The following APLP1 variants were observed in gnomAD, a reference collection of about 807,000 sequenced individuals.
APLP1 encodes the protein amyloid beta precursor like protein 1, also known as amyloid beta (A4) precursor-like protein 1.
APLP1 carries 46 observed loss-of-function variants against 84.5 expected under a neutral mutation model. The observed-to-expected ratio is 0.54, with a 90% confidence interval of 0.43 to 0.70. The LOEUF (loss-of-function observed/expected upper bound fraction) is 0.70. Among genes scored for constraint, APLP1 ranks in the 30% least tolerant of loss-of-function variants. The probability of loss-of-function intolerance (pLI) is 0.00; values close to 1 mark genes in which losing one functional copy is unlikely to be tolerated. For synonymous variants in APLP1, 376 were observed against 364.0 expected (o/e 1.03, Z -0.38); for missense variants, 826 against 900.2 (o/e 0.92, Z 1.05).
In APLP1 at chr19:35,879,721, A is replaced by G; in HGVS notation, c.*280A>G. On this transcript the variant is annotated 3_prime_UTR_variant, in exon 17 of 17. Coordinates refer to ENST00000221891, the MANE Select transcript of APLP1 (RefSeq NM_001024807.3). ...TTAAGGTGACCGCCACCTTGGTCCT[A>G]GTGTCTATTCCCTGGAATTCACCCT... The G allele has an allele frequency of 2.3e-6, 1 of 439,844 alleles. No individual in the cohort carries two copies. 27.2% of individuals were successfully genotyped at this position (439,844 alleles called of 1,614,324 possible).
At chr19:35,875,143 G>A (rs546489472) in intron 10 of APLP1, among the ~76,000 whole-genome samples, 2 of 147,504 alleles carry the variant, frequency 1.4e-5, no homozygotes, top group Admixed American at 1.4e-4. Flanking sequence ...GATTTTCACT[G>A]CCTTTCCCAG....
intron 4 of APLP1, 86 bp from the exon 5 acceptor site, chr19:35,871,526 C>T: frequency 1.3e-6 from 2 of 1,544,286 alleles, no homozygotes; most frequent in South Asian, 2.3e-5. Context: ...CTCCCAGCCT[C>T]ATCAACCCCC....
In APLP1 at chr19:35,879,446, GC is replaced by G. The variant is rs1470607517; in HGVS notation, c.*10del. 1 of 1,612,292 alleles carries G rather than the reference GC, an allele frequency of 6.2e-7. No homozygotes were observed. Among genetic ancestry groups the G allele is most frequent in the Non-Finnish European group, 8.5e-7 (1 of 1,179,746 alleles). ...TTCCTGGAGGAACGACCCTGACCCG[GC>G]CCCCTTCACCCCTTCAGCCGAGCCC... On this transcript the variant is annotated 3_prime_UTR_variant, in exon 17 of 17. Transcript: ENST00000221891.
Position 35,878,095 on chromosome 19 carries a change from G to A in APLP1, c.1566G>A (p.Met522Ile), listed in dbSNP as rs1227631269. 6.2e-7 allele frequency: 1 copy of A among 1,612,956 alleles called. No individual in the cohort carries two copies. The highest frequency in any genetic ancestry group is 8.5e-7 in the Non-Finnish European group (1 of 1,179,578). The change falls in exon 13 of 17, where the codon ATG becomes ATA. Residue 522 changes from methionine (M) to isoleucine (I), a missense_variant. This residue lies in a region of APLP1 where 433 missense variants were observed against 496.5 expected (regional missense o/e 0.87). Coordinates refer to ENST00000221891, the MANE Select transcript of APLP1 (RefSeq NM_001024807.3). ...PPDSKDADTP[M>I]TLPKGSTEQD... is the part of the protein sequence containing the mutation. ...TCTGGCTGCCAGCAGACACCCCCAT[G>A]ACCCTTCCAAAAGGTGAGTGTCTCA...
Position 35,868,666 on chromosome 19 carries a change from T to C in APLP1, c.30T>C (p.Gly10=). 7.1e-7 allele frequency: 1 copy of C among 1,400,208 alleles called. No homozygotes were observed. The highest frequency in any genetic ancestry group is 9.3e-7 in the Non-Finnish European group (1 of 1,080,788). The allele number at this position is 1,400,208 out of a possible 1,614,324, so 86.7% of individuals were successfully genotyped here. A position where few individuals can be genotyped will look rare whatever the true frequency, so the allele number is the denominator to read the frequency against. ...GGCCCGCCAGCCCCGCTGCTCGCGG[T>C]CTAAGTCGCCGCCCGGGCCAGCCGC... is the stretch of plus-strand genomic sequence containing the variant. MGPASPAAR[G]LSRRPGQPPL... is the part of the protein sequence containing the mutation. The change falls in exon 1 of 17, where the codon GGT becomes GGC. Residue 10 remains glycine, a synonymous_variant. Coordinates refer to ENST00000221891, the MANE Select transcript of APLP1 (RefSeq NM_001024807.3). The surrounding 1 kb of genome is among the most constrained non-coding windows in gnomAD (Gnocchi z 5.2).
At chr19:35,876,728 C>A in intron 11 of APLP1, 112 bp downstream of exon 11, 1 of 820,396 alleles carries the variant, frequency 1.2e-6, no homozygotes, top group Non-Finnish European at 1.9e-6. Context: ...CAGCCCAGAC[C>A]TTAGCAGTGA....
chr19:35,876,646 C>T, intron 11 of APLP1, 30 bp downstream of exon 11: 1 of 1,556,526 alleles, frequency 6.4e-7, no homozygotes, highest in South Asian at 1.2e-5. Context: ...GCTCCCATTA[C>T]AGATCTCTGA....
chr19:35,873,707 G>C lies in APLP1; in HGVS notation c.1050G>C (p.Leu350=). The C allele has an allele frequency of 1.2e-6, 2 of 1,613,976 alleles. No individual in the cohort carries two copies. The highest frequency in any genetic ancestry group is 1.7e-6 in the Non-Finnish European group (2 of 1,179,942). Residue 350 remains leucine (L), a synonymous_variant, in exon 8 of 17, where the codon CTG becomes CTC. Transcript: ENST00000221891. ...KNLPKADRQA[L]NEHFQSILQT... ...TGCCTAAAGCCGACAGACAGGCCCT[G>C]AATGAGGTAGGACAGCCCCAGTGGG...
intron 8 of APLP1, among the ~76,000 whole-genome samples, chr19:35,873,994 A>T (rs1297570159): frequency 6.6e-6 from 1 of 152,214 alleles, no homozygotes; most frequent in African/African-American, 2.4e-5. Context: ...GCCTCTGCAG[A>T]TGCAGCCAGG....
Position 35,872,531 on chromosome 19 carries a change from T to C in APLP1, c.899T>C (p.Met300Thr), listed in dbSNP as rs763891529. The C allele has an allele frequency of 8.1e-6, 13 of 1,613,720 alleles. No homozygotes were observed. In the East Asian group the frequency reaches 2.5e-4, roughly 30 times the overall value. Residue 300 changes from methionine to threonine, a missense_variant, in exon 7 of 17, where the codon ATG (methionine) becomes ACG (threonine). By Grantham distance (81) the Met-to-Thr change is moderately conservative (BLOSUM62 -1). Transcript: ENST00000221891. ...PTDGVDIYFGMPGEISEHEGF... is the reference protein window; with the variant it reads ...PTDGVDIYFGTPGEISEHEGF... ...GACGGTGTGGATATTTACTTTGGCA[T>C]GCCTGGGGAAATCAGTGAGCACGAG...
At position 35,871,689 on chromosome 19, in the gene APLP1, G is replaced by A. The variant is rs745629597; in HGVS notation, c.615G>A (p.Val205=). 13 of 1,613,948 alleles carry A rather than the reference G, an allele frequency of 8.1e-6. No individual in the cohort carries two copies. The East Asian group carries it at 1.6e-4, about 19-fold the overall frequency. Residue 205 remains valine, a synonymous_variant, in exon 5 of 17, where the codon GTG becomes GTA. Coordinates refer to ENST00000221891, the MANE Select transcript of APLP1 (RefSeq NM_001024807.3). The stretch of plus-strand genomic sequence containing the variant: ...GTGGCTCGGATCGGTTCCGTGGTGT[G>A]GAGTATGTGTGCTGTCCCCCTCCAG... ...LPCGSDRFRG[V]EYVCCPPPGT...
At chr19:35,875,929 A>G (rs1467919246) in intron 10 of APLP1, among the ~76,000 whole-genome samples, 1 of 141,734 alleles carries the variant, frequency 7.1e-6, no homozygotes, top group Non-Finnish European at 1.5e-5. Context: ...AGAAACCCCA[A>G]TAACTTGCAC....
chr19:35,869,456 G>C, intron 1 of APLP1: 2 of 702,432 alleles, frequency 2.8e-6, no homozygotes, highest in East Asian at 2.8e-5. Context: ...AAAGAATCCC[G>C]GGGGACCCAG....
chr19:35,876,655 G>A, intron 11 of APLP1, 39 bp downstream of exon 11: 1 of 1,519,910 alleles, frequency 6.6e-7, no homozygotes, highest in Non-Finnish European at 9.0e-7. Flanking sequence ...ACAGATCTCT[G>A]AGGGCAGATC....
rs369442773 is a variant in APLP1, at chr19:35,871,880, C to G, written c.694C>G (p.Pro232Ala). The G allele has an allele frequency of 1.4e-5, 23 of 1,613,836 alleles. No individual in the cohort carries two copies. The highest frequency in any genetic ancestry group is 1.7e-5 in the Non-Finnish European group (20 of 1,179,918). The change falls in exon 6 of 17, where the codon CCC becomes GCC. Residue 232 changes from proline to alanine, a missense_variant. By Grantham distance (27) the Pro-to-Ala change is conservative. Around this residue, in one of 3 missense-constraint regions of APLP1, gnomAD observed 383 missense variants for 378.3 expected, o/e 1.01. Transcript: ENST00000221891. ...AVGDPSTRSW[P>A]PGSRVEGAED... The stretch of plus-strand genomic sequence containing the variant: ...CAGTGACCCCTCCACCCGGTCCTGG[C>G]CCCCGGGGAGCAGAGTAGAGGGGGC...
Position 35,877,713 on chromosome 19 carries a change from C to A in APLP1, c.1445-5C>A. The A allele has an allele frequency of 6.2e-7, 1 of 1,609,144 alleles. No homozygotes were observed. ...CTCAGCCACCTTTCTGCATGTCCCC[C>A]TCAGAGGAACTCCTCCACTCTGAAC... is the stretch of plus-strand genomic sequence containing the variant. On this transcript the variant is annotated splice_region_variant and splice_polypyrimidine_tract_variant and intron_variant, in intron 11 of 16. Transcript: ENST00000221891.
intron 1 of APLP1, chr19:35,869,440 A>G: frequency 7.4e-6 from 5 of 676,500 alleles, no homozygotes; most frequent in Non-Finnish European, 1.3e-5. Context: ...CGCGGCAACA[A>G]GGCAGAAAGA....
Position 35,874,972 on chromosome 19 carries a change from C to A in APLP1, c.1344+103C>A. Reference sequence around the variant, plus strand: ...AGACCCTCTTTCTGTCTCTTGGACCCCTTCCTATCCCCTGAACACCGCTTC... The same window carrying A: ...AGACCCTCTTTCTGTCTCTTGGACCACTTCCTATCCCCTGAACACCGCTTC... On this transcript the variant is annotated intron_variant, in intron 10 of 16. Coordinates refer to ENST00000221891, the MANE Select transcript of APLP1 (RefSeq NM_001024807.3). The surrounding 1 kb of genome is among the most constrained non-coding windows in gnomAD (Gnocchi z 6.4). 1 of 1,455,828 alleles carries A rather than the reference C, an allele frequency of 6.9e-7. No homozygotes were observed. Among genetic ancestry groups the A allele is most frequent in the East Asian group, 2.5e-5 (1 of 40,652 alleles). The allele number at this position is 1,455,828 out of a possible 1,614,324, so 90.2% of individuals were successfully genotyped here.
At chr19:35,873,796 G>GCC (rs1234491630) in intron 8 of APLP1, 83 bp downstream of exon 8, 1 of 1,337,108 alleles carries the variant, frequency 7.5e-7, no homozygotes, top group African/African-American at 1.4e-5. Flanking sequence ...GCTGTGCCCT[G>GCC]CCCATCCAGT....
Sources: gnomAD v4.1 joint callset for allele counts (sites outside exome capture counted in the v4.1 genomes callset) on GRCh38, gnomAD v4.1.1 for gene constraint, gnomAD v4.1.1 regional missense constraint, Gnocchi (gnomAD v3.1) non-coding constraint, MANE v1.5 for transcripts, NCBI Gene and HGNC (gene_info 2026-07-23, HGNC 2026-07-21) for gene names.